PPARGC1A: variants seen among roughly 807,000 people sequenced by gnomAD.
PPARGC1A encodes peroxisome proliferator-activated receptor gamma coactivator 1-alpha.
PPARGC1A carries 25 observed loss-of-function variants against 88.7 expected under a neutral mutation model. The ratio of observed to expected loss-of-function variants is 0.28; its 90% CI spans 0.21 to 0.39. The LOEUF is 0.39. Among genes scored for constraint, PPARGC1A ranks in the 10% least tolerant of loss-of-function variants. PPARGC1A has a pLI of 1.00. For missense variants in PPARGC1A, 880 were observed against 968.7 expected, an observed-to-expected ratio of 0.91 and a Z score of 1.22; for synonymous variants, 363 against 355.6, an observed-to-expected ratio of 1.02 and a Z score of -0.24.
At chr4:24,459,369 C>T in the PPARGC1A span, among the ~76,000 whole-genome samples, 1 of 150,982 alleles carries the variant, frequency 6.6e-6, no homozygotes, top group Admixed American at 6.6e-5. Context: ...AAGATTATTT[C>T]TCTGGTCACA....
the PPARGC1A span, among the ~76,000 whole-genome samples, chr4:23,983,359 G>A: frequency 1.3e-5 from 2 of 152,230 alleles, no homozygotes; most frequent in South Asian, 4.1e-4. Context: ...ACAAAAGCAA[G>A]TATCTTATTA....
the PPARGC1A span, among the ~76,000 whole-genome samples, chr4:24,148,697 A>T: frequency 2.6e-5 from 4 of 152,198 alleles, no homozygotes; most frequent in African/African-American, 9.7e-5. Flanking sequence ...ACTGGTGCCT[A>T]CGTGTCTGTG....
chr4:23,993,301 G>T, the PPARGC1A span, among the ~76,000 whole-genome samples: 2 of 152,056 alleles, frequency 1.3e-5, no homozygotes, highest in African/African-American at 4.8e-5. Flanking sequence ...GTCAGACAAT[G>T]ACGGAACAGA....
intron 10 of PPARGC1A, among the ~76,000 whole-genome samples, chr4:23,809,604 A>C (rs1720494843): frequency 6.6e-6 from 1 of 152,314 alleles, no homozygotes; most frequent in Admixed American, 6.5e-5. Context: ...AAAAAGTAAA[A>C]ATATGAAAAA....
chr4:24,320,219 C>T, the PPARGC1A span, among the ~76,000 whole-genome samples: 1 of 152,162 alleles, frequency 6.6e-6, no homozygotes, highest in Non-Finnish European at 1.5e-5. Context: ...ATTTTGTTTC[C>T]TGGAGGTTTA....
At chr4:24,145,413 C>T in the PPARGC1A span, among the ~76,000 whole-genome samples, 2 of 152,216 alleles carry the variant, frequency 1.3e-5, no homozygotes, top group Non-Finnish European at 2.9e-5. Flanking sequence ...ACCATCTCTG[C>T]TTACAGCACA....
rs556365936 is a variant in PPARGC1A, at chr4:23,824,210, G to A, written c.877+70C>T. On this transcript the variant is annotated intron_variant, in intron 7 of 12. Coordinates refer to ENST00000264867, the MANE Select transcript of PPARGC1A (RefSeq NM_013261.5). ...ATTAACCACATAGACAGTACACTCT[G>A]TTATCTTATTACACACACACACATA... 460 of 1,331,560 alleles carry A rather than the reference G, an allele frequency of 3.5e-4. 1 individual carries two copies. Among genetic ancestry groups the A allele is most frequent in the South Asian group, 9.3e-4 (79 of 85,200 alleles). 82.5% of individuals were successfully genotyped at this position (1,331,560 alleles called of 1,614,324 possible).
chr4:23,884,442 G>A (rs991572343), intron 2 of PPARGC1A: 15 of 378,664 alleles, frequency 4.0e-5, no homozygotes, highest in Non-Finnish European at 6.5e-5. Flanking sequence ...GAATAAACAG[G>A]TTTAGACTTT....
At chr4:23,967,328 C>T in the PPARGC1A span, among the ~76,000 whole-genome samples, 2 of 152,140 alleles carry the variant, frequency 1.3e-5, no homozygotes, top group African/African-American at 4.8e-5. Flanking sequence ...ATTTCTATGT[C>T]CCCGCTTTTG....
the PPARGC1A span, among the ~76,000 whole-genome samples, chr4:24,067,057 G>C: frequency 1.3e-5 from 2 of 151,906 alleles, no homozygotes; most frequent in Non-Finnish European, 2.9e-5. Context: ...CTTTGGCATA[G>C]AATATCTATA....
the PPARGC1A span, among the ~76,000 whole-genome samples, chr4:24,027,693 G>A: frequency 2.6e-5 from 4 of 152,234 alleles, no homozygotes; most frequent in South Asian, 6.2e-4. Flanking sequence ...AATGAACAAT[G>A]TGTATGGAAA....
chr4:24,197,514 T>G, the PPARGC1A span, among the ~76,000 whole-genome samples: 1 of 152,216 alleles, frequency 6.6e-6, no homozygotes, highest in Non-Finnish European at 1.5e-5. Context: ...ACAATCTGTC[T>G]TGAATAATTT....
chr4:23,928,965 G>C, the PPARGC1A span, among the ~76,000 whole-genome samples: 1 of 151,914 alleles, frequency 6.6e-6, no homozygotes, highest in Non-Finnish European at 1.5e-5. Context: ...ACACACACTG[G>C]GGCCTGTCAG....
At chr4:24,025,150 T>C in the PPARGC1A span, among the ~76,000 whole-genome samples, 1 of 152,328 alleles carries the variant, frequency 6.6e-6, no homozygotes, top group South Asian at 2.1e-4. Flanking sequence ...AAATGGATAG[T>C]TCTGTACTTT....
At chr4:24,287,652 A>ACG in the PPARGC1A span, among the ~76,000 whole-genome samples, 1 of 150,226 alleles carries the variant, frequency 6.7e-6, no homozygotes, top group Non-Finnish European at 1.5e-5. Flanking sequence ...ACACACACAC[A>ACG]CACACACACA....
the PPARGC1A span, among the ~76,000 whole-genome samples, chr4:23,909,096 C>A: frequency 1.3e-5 from 2 of 152,040 alleles, no homozygotes; most frequent in African/African-American, 4.8e-5. Context: ...GGGGATCAGC[C>A]AGGGTCTTGA....
At chr4:23,958,267 T>C in the PPARGC1A span, among the ~76,000 whole-genome samples, 1 of 152,116 alleles carries the variant, frequency 6.6e-6, no homozygotes, top group African/African-American at 2.4e-5. Context: ...GAATTAAAGG[T>C]GTAATATAAA....
At chr4:23,958,819 A>G in the PPARGC1A span, among the ~76,000 whole-genome samples, 1 of 152,262 alleles carries the variant, frequency 6.6e-6, no homozygotes, top group Non-Finnish European at 1.5e-5. Flanking sequence ...CCTTCCTACT[A>G]AGAAAGGCTA....
the PPARGC1A span, among the ~76,000 whole-genome samples, chr4:23,928,236 A>G: frequency 6.6e-6 from 1 of 152,132 alleles, no homozygotes; most frequent in Non-Finnish European, 1.5e-5. Context: ...TAGAGGGAAA[A>G]TCCACAATTT....
Sources: gnomAD v4.1 joint callset for allele counts (sites outside exome capture counted in the v4.1 genomes callset) on GRCh38, gnomAD v4.1.1 for gene constraint, MANE v1.5 for transcripts, NCBI Gene and HGNC (gene_info 2026-07-23, HGNC 2026-07-21) for gene names.